The following SCGB2B2 variants were observed in gnomAD, a reference collection of about 807,000 sequenced individuals.
SCGB2B2 encodes the protein secretoglobin family 2B member 2, also known as secretoglobin-like protein.
A neutral mutation model predicts 7.6 loss-of-function variants in SCGB2B2; 11 were observed. The observed-to-expected ratio is 1.45, with a 90% CI of 0.91 to 2.40. SCGB2B2 has a LOEUF of 2.40. SCGB2B2 is among the 30% of genes most tolerant of loss of function. SCGB2B2 has a pLI of 0.00. For missense variants in SCGB2B2, 104 were observed against 115.4 expected (o/e 0.90, Z 0.45); for synonymous variants, 50 against 48.6 (o/e 1.03, Z -0.12).
In SCGB2B2 at chr19:34,652,675, A is replaced by G. The variant is rs2067191029; in HGVS notation, c.-2032+22955T>C. On this transcript the variant is annotated intron_variant, in intron 1 of 3. Coordinates refer to ENST00000601241, the MANE Select transcript of SCGB2B2 (RefSeq NM_001025591.4). ...ATTCAGATATCACCTCACCCCAGTT[A>G]GAATGGCTACTATGAAAAAGACAAA... 1.3e-5 allele frequency among the ~76,000 whole-genome samples: 2 copies of G among 151,394 alleles called. 1 individual carries two copies. The highest frequency in any genetic ancestry group is 4.1e-4 in the South Asian group (2 of 4,832).
chr19:34,669,390 A>G (rs919153298), intron 1 of SCGB2B2, among the ~76,000 whole-genome samples: 1 of 152,236 alleles, frequency 6.6e-6, no homozygotes, highest in Non-Finnish European at 1.5e-5. Context: ...CATTCAGACA[A>G]ACAAACTCAT....
intron 1 of SCGB2B2, among the ~76,000 whole-genome samples, chr19:34,661,323 A>G (rs1332794855): frequency 6.6e-6 from 1 of 152,206 alleles, no homozygotes; most frequent in African/African-American, 2.4e-5. Flanking sequence ...AGAAATACAT[A>G]TGTAAAAAAT....
At chr19:34,600,100 G>A (rs770356977) in intron 1 of SCGB2B2, among the ~76,000 whole-genome samples, 10 of 152,112 alleles carry the variant, frequency 6.6e-5, no homozygotes, top group Non-Finnish European at 1.2e-4. Context: ...TGTTACATAT[G>A]TGCCATGTTG....
chr19:34,667,600 TC>T (rs1489132469), intron 1 of SCGB2B2, among the ~76,000 whole-genome samples: 2 of 152,248 alleles, frequency 1.3e-5, no homozygotes, highest in Non-Finnish European at 2.9e-5. Context: ...CTAAATGGGC[TC>T]TTGAGCCCTT....
At chr19:34,669,729 A>ACACACACACACACACACACACACACACG (rs1568444788) in intron 1 of SCGB2B2, among the ~76,000 whole-genome samples, 1 of 151,870 alleles carries the variant, frequency 6.6e-6, no homozygotes, top group Non-Finnish European at 1.5e-5. Flanking sequence ...ACACACACAC[A>ACACACACACACACACACACACACACACG]CGAAGAGGTG....
At chr19:34,617,293 G>A (rs111281062) in intron 1 of SCGB2B2, among the ~76,000 whole-genome samples, 2,963 of 116,038 alleles carry the variant, frequency 0.026, 47 homozygotes, top group East Asian at 0.073. Context: ...CCATTTTCAC[G>A]ACATTGATTC....
At position 34,676,651 on chromosome 19, in the gene SCGB2B2, T is replaced by A. The variant is rs1433853778; in HGVS notation, c.-3053A>T. 6.6e-6 allele frequency: 1 copy of A among 152,224 alleles called. No homozygotes were observed. Among genetic ancestry groups the A allele is most frequent in the African/African-American group, 2.4e-5 (1 of 41,450 alleles). The allele number at this position is 152,224 out of a possible 1,614,324, so 9.4% of individuals were successfully genotyped here. ...TCTTGCGTGAGCTCTAAGAACTCTC[T>A]CTTGGGGTCGGATCCGGACCCCTTT... On this transcript the variant is annotated 5_prime_UTR_variant, in exon 1 of 4. Transcript: ENST00000601241.
intron 1 of SCGB2B2, among the ~76,000 whole-genome samples, chr19:34,634,010 G>T (rs1283144371): frequency 6.6e-6 from 1 of 152,142 alleles, no homozygotes; most frequent in Non-Finnish European, 1.5e-5. Context: ...TTTCTTGCTT[G>T]TGTAGCAATG....
At chr19:34,611,437 G>T (rs2065924162) in intron 1 of SCGB2B2, among the ~76,000 whole-genome samples, 1 of 146,848 alleles carries the variant, frequency 6.8e-6, no homozygotes, top group African/African-American at 2.5e-5. Flanking sequence ...CTGTTTTTTT[G>T]ATGTGAGTAC....
intron 1 of SCGB2B2, among the ~76,000 whole-genome samples, chr19:34,653,633 C>T (rs2067215304): frequency 6.6e-6 from 1 of 151,146 alleles, no homozygotes; most frequent in Non-Finnish European, 1.5e-5. Context: ...ACCAAGTAGA[C>T]TTTATCCCTG....
intron 1 of SCGB2B2, among the ~76,000 whole-genome samples, chr19:34,621,128 T>C (rs1353964371): frequency 1.3e-5 from 2 of 152,230 alleles, no homozygotes; most frequent in African/African-American, 2.4e-5. Context: ...AAATATTTTA[T>C]CTAAGTGCTT....
chr19:34,672,144 A>AAATG (rs1350833401), intron 1 of SCGB2B2, among the ~76,000 whole-genome samples: 1 of 152,198 alleles, frequency 6.6e-6, no homozygotes, highest in Non-Finnish European at 1.5e-5. Context: ...TTAAATGAAT[A>AAATG]AATGAATAAA....
At chr19:34,639,174 T>C (rs1210424451) in intron 1 of SCGB2B2, among the ~76,000 whole-genome samples, 1 of 152,212 alleles carries the variant, frequency 6.6e-6, no homozygotes, top group Non-Finnish European at 1.5e-5. Flanking sequence ...GCTTATTCTG[T>C]AGCAAAAAAC....
intron 1 of SCGB2B2, among the ~76,000 whole-genome samples, chr19:34,628,394 G>C (rs1260481776): frequency 6.6e-6 from 1 of 151,730 alleles, no homozygotes; most frequent in South Asian, 2.1e-4. Flanking sequence ...TAAGAAAAGA[G>C]AGAAGAATCA....
downstream of SCGB2B2, among the ~76,000 whole-genome samples, chr19:34,586,977 G>T (rs778811437): frequency 6.6e-6 from 1 of 152,058 alleles, no homozygotes; most frequent in African/African-American, 2.4e-5. Flanking sequence ...ACGTGCTCTC[G>T]GCTCACCGCA....
chr19:34,655,657 C>T (rs73043916), intron 1 of SCGB2B2, among the ~76,000 whole-genome samples: 22,359 of 151,192 alleles, frequency 0.15, 2,131 homozygotes, highest in East Asian at 0.29. Flanking sequence ...CCTTAGCCTT[C>T]GAAAAATATT....
At chr19:34,630,307 A>T (rs1052305049) in intron 1 of SCGB2B2, among the ~76,000 whole-genome samples, 2 of 151,942 alleles carry the variant, frequency 1.3e-5, no homozygotes, top group Non-Finnish European at 2.9e-5. Flanking sequence ...AAAAGAAACT[A>T]CCATCAGAGT....
At chr19:34,590,189 G>A (rs762706103), downstream of SCGB2B2, among the ~76,000 whole-genome samples, 1 of 152,270 alleles carries the variant, frequency 6.6e-6, no homozygotes, top group South Asian at 2.1e-4. Flanking sequence ...CACAGGAGAG[G>A]ACTGAAGACA....
At chr19:34,667,352 A>T (rs1033664414) in intron 1 of SCGB2B2, among the ~76,000 whole-genome samples, 2 of 150,578 alleles carry the variant, frequency 1.3e-5, no homozygotes, top group African/African-American at 4.9e-5. Flanking sequence ...GGGTGCCTAC[A>T]CGGTACTGAA....
Sources: allele counts gnomAD v4.1 joint callset (sites outside exome capture counted in the v4.1 genomes callset), GRCh38; gene constraint gnomAD v4.1.1; transcripts MANE v1.5; gene names NCBI Gene and HGNC (gene_info 2026-07-23, HGNC 2026-07-21).